The following COL12A1 variants were observed in gnomAD, a reference collection of about 807,000 sequenced individuals.
COL12A1 encodes collagen alpha-1(XII) chain.
In COL12A1, 114 loss-of-function variants were observed where a neutral mutation model predicts 349.7. That is an observed-to-expected ratio of 0.33 (90% CI 0.28 to 0.38). The LOEUF is 0.38. Among genes scored for constraint, COL12A1 ranks in the 10% least tolerant of loss-of-function variants. COL12A1 has a pLI of 1.00. For missense variants in COL12A1, 3,284 were observed against 3,756.9 expected (o/e 0.87, Z 3.29); for synonymous variants, 1,369 against 1,329.0 (o/e 1.03, Z -0.66).
rs372127487 is a variant in COL12A1 at position 75,086,473 on chromosome 6, C to T, written c.*74G>A. The T allele has an allele frequency of 2.5e-5, 34 of 1,379,766 alleles. No homozygotes were observed. Among genetic ancestry groups the T allele is most frequent in the East Asian group, 2.5e-5 (1 of 40,690 alleles). The allele number at this position is 1,379,766 out of a possible 1,614,324, so 85.5% of individuals were successfully genotyped here. On this transcript the variant is annotated 3_prime_UTR_variant, in exon 66 of 66. Transcript: ENST00000322507. ...ATACAGACTCATTTCCTAATAAGCA[C>T]GTGCGCAAACATCTCAGAAACAGGA...
chr6:75,126,828 T>C (rs1423238005), intron 38 of COL12A1, among the ~76,000 whole-genome samples: 2 of 152,074 alleles, frequency 1.3e-5, no homozygotes, highest in Non-Finnish European at 2.9e-5. Context: ...AGAAAGCAAT[T>C]TAGAAACTAT....
At chr6:75,160,985 T>C (rs1344732544) in intron 14 of COL12A1, among the ~76,000 whole-genome samples, 2 of 152,144 alleles carry the variant, frequency 1.3e-5, no homozygotes, top group African/African-American at 4.8e-5. Context: ...AGTAACATAA[T>C]TATTCACCCA....
chr6:75,121,060 T>A (rs1033620750), intron 44 of COL12A1, among the ~76,000 whole-genome samples: 1 of 152,100 alleles, frequency 6.6e-6, no homozygotes, highest in African/African-American at 2.4e-5. Flanking sequence ...TCCCTTAGAA[T>A]CCCCTAAGTT....
intron 2 of COL12A1, among the ~76,000 whole-genome samples, chr6:75,202,440 A>C (rs868430792): frequency 1.3e-5 from 2 of 152,200 alleles, no homozygotes; most frequent in Non-Finnish European, 2.9e-5. Context: ...ATTAGGCGGC[A>C]GTGCAGGTGG....
rs1379486421 is a variant in COL12A1, at chr6:75,130,027, T to A, written c.6210+64A>T. 4.6e-5 allele frequency: 72 copies of A among 1,575,324 alleles called. No homozygotes were observed. In the South Asian group the frequency reaches 4.6e-4, roughly 10 times the overall value. On this transcript the variant is annotated intron_variant, in intron 37 of 65. Transcript: ENST00000322507. The stretch of plus-strand genomic sequence containing the variant: ...TACTCACAGCATACCTCTAAAGAAG[T>A]TTAACTTCACTGTCCATTCAGCTAA...
chr6:75,124,829 A>G (rs9352192), intron 40 of COL12A1, among the ~76,000 whole-genome samples: 3,711 of 152,234 alleles, frequency 0.024, 172 homozygotes, highest in East Asian at 0.23. Flanking sequence ...AGCATCACAG[A>G]TCTAATTTTA....
intron 52 of COL12A1, among the ~76,000 whole-genome samples, chr6:75,108,597 T>C (rs1021770552): frequency 6.6e-6 from 1 of 152,172 alleles, no homozygotes; most frequent in African/African-American, 2.4e-5. Context: ...TGTGAGCAAA[T>C]GTGGGCTCTG....
chr6:75,141,210 A>G (rs191257763), intron 27 of COL12A1, among the ~76,000 whole-genome samples: 38 of 152,238 alleles, frequency 2.5e-4, no homozygotes, highest in African/African-American at 8.2e-4. Flanking sequence ...TGTTTTTTTT[A>G]CTACTATTTG....
At chr6:75,152,618 T>A in intron 17 of COL12A1, 136 bp from the exon 18 acceptor site, 1 of 887,520 alleles carries the variant, frequency 1.1e-6, no homozygotes, top group East Asian at 2.5e-5. Flanking sequence ...TGATGTGGAG[T>A]ATAAGACTCT....
intron 59 of COL12A1, among the ~76,000 whole-genome samples, chr6:75,095,593 C>A (rs1188019352): frequency 7.6e-6 from 1 of 132,284 alleles, no homozygotes; most frequent in Admixed American, 8.4e-5. Context: ...GTCCGCAGTC[C>A]GGCCTGGGCG....
At chr6:75,106,333 G>T (rs1420709386) in intron 53 of COL12A1, 86 bp downstream of exon 53, 8 of 1,111,640 alleles carry the variant, frequency 7.2e-6, no homozygotes, top group Non-Finnish European at 8.1e-6. Context: ...ATACAACTGT[G>T]CAGTGCTACT....
chr6:75,181,793 C>CA (rs376453216), intron 10 of COL12A1, among the ~76,000 whole-genome samples: 35 of 144,912 alleles, frequency 2.4e-4, no homozygotes, highest in East Asian at 1.2e-3. Context: ...TATTAACAAC[C>CA]AAAAAAAAAA....
Position 75,184,137 on chromosome 6 carries a change from C to T in COL12A1, c.1005G>A (p.Glu335=). ...CCATGGCAATCAAATTTGAAGGAGG[C>T]TCAACAACTAAAAAGTTACAAGCAG... The part of the protein sequence containing the change: ...GELVSGEEVV[E]PPSNLIAMEV... The change falls in exon 9 of 66, where the codon GAG becomes GAA. Residue 335 remains glutamate (E), a synonymous_variant. Transcript: ENST00000322507. The T allele has an allele frequency of 2.5e-6, 4 of 1,613,030 alleles. No individual in the cohort carries two copies. Among genetic ancestry groups the T allele is most frequent in the Non-Finnish European group, 3.4e-6 (4 of 1,179,442 alleles).
At chr6:75,138,077 T>A (rs535194537) in intron 30 of COL12A1, among the ~76,000 whole-genome samples, 1 of 152,176 alleles carries the variant, frequency 6.6e-6, no homozygotes, top group South Asian at 2.1e-4. Context: ...AGAATATAAA[T>A]TTCTGTTATT....
rs767319717 is a variant in COL12A1, at chr6:75,175,133, C to A, written c.2615G>T (p.Gly872Val). The change falls in exon 13 of 66, where the codon GGA becomes GTA. Residue 872 changes from glycine to valine, a missense_variant. Gly to Val is a moderately radical substitution (Grantham distance 109, BLOSUM62 -3). Around this residue, in one of 2 missense-constraint regions of COL12A1, gnomAD observed 2,601 missense variants for 2,824.8 expected, o/e 0.92. Transcript: ENST00000322507. ...GGCGTATTGTGTCCCTTCCTTCAAT[C>A]CCTGCAGCACCGTATTGGTTGTATC... Reference protein sequence around the residue: ...RGDTTNTVLQGLKEGTQYALS... With the variant: ...RGDTTNTVLQVLKEGTQYALS... 3 of 1,614,194 alleles carry A rather than the reference C, an allele frequency of 1.9e-6. No homozygotes were observed. Among genetic ancestry groups the A allele is most frequent in the Non-Finnish European group, 2.5e-6 (3 of 1,180,032 alleles).
At position 75,156,156 on chromosome 6, in the gene COL12A1, C is replaced by T. The variant is rs75188867; in HGVS notation, c.3250+101G>A. On this transcript the variant is annotated intron_variant, in intron 15 of 65. Transcript: ENST00000322507. The stretch of plus-strand genomic sequence containing the variant: ...CTAGTAATTATAATTTAACTTATTA[C>T]GGAATCAGTTTTAAACATTTACAAA... The T allele has an allele frequency of 7.3e-3, 10,020 of 1,364,236 alleles. 453 individuals are homozygous for T. In the East Asian group the frequency reaches 0.14, roughly 19 times the overall value. 84.5% of individuals were successfully genotyped at this position (1,364,236 alleles called of 1,614,324 possible).
At chr6:75,150,078 C>G (rs1041420340) in intron 21 of COL12A1, among the ~76,000 whole-genome samples, 5 of 152,104 alleles carry the variant, frequency 3.3e-5, no homozygotes, top group Non-Finnish European at 7.4e-5. Context: ...CCCTAGCACC[C>G]AGAGCAAGTG....
intron 60 of COL12A1, among the ~76,000 whole-genome samples, chr6:75,094,604 A>C (rs1767922252): frequency 6.6e-6 from 1 of 152,202 alleles, no homozygotes; most frequent in African/African-American, 2.4e-5. Context: ...GACAGTATTA[A>C]AAAAGTAAAA....
rs772025040 is a variant in COL12A1 at position 75,189,264 on chromosome 6, A to G, written c.776T>C (p.Ile259Thr). Residue 259 changes from isoleucine (I) to threonine (T), a missense_variant, in exon 7 of 66, where the codon ATT (isoleucine) becomes ACT (threonine). Ile to Thr is a moderately conservative substitution (Grantham distance 89). Coordinates refer to ENST00000322507, the MANE Select transcript of COL12A1 (RefSeq NM_004370.6). Reference sequence around the variant, plus strand: ...AACATTACGAAGCTCTCTTGCTGGAATTTCCACTTCATCCTGGGATTTTCC... The same window carrying G: ...AACATTACGAAGCTCTCTTGCTGGAGTTTCCACTTCATCCTGGGATTTTCC... The part of the protein sequence containing the change: ...TDGKSQDEVE[I>T]PARELRNVGV... 1 of 1,613,122 alleles carries G rather than the reference A, an allele frequency of 6.2e-7. No homozygotes were observed. The highest frequency in any genetic ancestry group is 8.5e-7 in the Non-Finnish European group (1 of 1,179,412).
Sources: allele counts gnomAD v4.1 joint callset (sites outside exome capture counted in the v4.1 genomes callset), GRCh38; gene constraint gnomAD v4.1.1; regional missense constraint gnomAD v4.1.1; transcripts MANE v1.5; gene names NCBI Gene and HGNC (gene_info 2026-07-23, HGNC 2026-07-21).